Variants in DCT observed in about 807,000 individuals in gnomAD.
DCT encodes the protein L-dopachrome tautomerase.
Under a neutral mutation model 53.0 loss-of-function variants are expected in DCT, and 47 were observed. The observed-to-expected ratio is 0.89, with a 90% CI of 0.70 to 1.13. DCT has a LOEUF of 1.13. DCT is among the 50% of genes most tolerant of loss of function. The probability of loss-of-function intolerance (pLI) is 0.00; values close to 1 mark genes in which losing one functional copy is unlikely to be tolerated. For synonymous variants in DCT, 244 were observed against 237.0 expected (o/e 1.03, Z -0.27); for missense variants, 669 against 637.4 (o/e 1.05, Z -0.53).
upstream of DCT, among the ~76,000 whole-genome samples, chr13:94,482,604 C>T (rs1594337480): frequency 1.3e-5 from 2 of 152,314 alleles, no homozygotes; most frequent in Non-Finnish European, 1.5e-5. Context: ...AGCTCCTTAA[C>T]TCTGCTGTGT....
At chr13:94,483,011 G>A (rs1344679321), upstream of DCT, among the ~76,000 whole-genome samples, 1 of 152,108 alleles carries the variant, frequency 6.6e-6, no homozygotes, top group Admixed American at 6.5e-5. Context: ...AGTGGCTCAT[G>A]CCTTGTAATC....
the DCT span, among the ~76,000 whole-genome samples, chr13:94,508,708 G>A: frequency 6.6e-6 from 1 of 152,170 alleles, no homozygotes; most frequent in East Asian, 1.9e-4. Context: ...GCCTGAGAAA[G>A]AAGAATAGGG....
chr13:94,476,180 C>CTTTTT (rs529819051), intron 1 of DCT, among the ~76,000 whole-genome samples: 1 of 72,732 alleles, frequency 1.4e-5, no homozygotes, highest in African/African-American at 5.5e-5. Context: ...GGGGGAGCCT[C>CTTTTT]TTTTTTTTTT....
chr13:94,511,071 C>T, the DCT span, among the ~76,000 whole-genome samples: 1,097 of 152,326 alleles, frequency 7.2e-3, 16 homozygotes, highest in African/African-American at 0.023. Context: ...TGGATCATTT[C>T]AAAATGCAAA....
Position 94,465,586 on chromosome 13 carries a change from C to T in DCT, c.863+47G>A, listed in dbSNP as rs887749663. On this transcript the variant is annotated intron_variant, in intron 4 of 7. Coordinates refer to ENST00000377028, the MANE Select transcript of DCT (RefSeq NM_001922.5). ...GACTTCTCCTCCATGTCTCAGACAT[C>T]AGAAAAGACAATCTCTGGATGCCAT... The T allele has an allele frequency of 4.4e-6, 7 of 1,580,336 alleles. No individual in the cohort carries two copies. In the African/African-American group the frequency reaches 6.8e-5, roughly 15 times the overall value.
the DCT span, among the ~76,000 whole-genome samples, chr13:94,498,646 GT>G: frequency 1.3e-5 from 2 of 152,222 alleles, no homozygotes; most frequent in African/African-American, 4.8e-5. Context: ...ACAGTAATTT[GT>G]TACAGCAGCC....
chr13:94,547,978 AAAAAAAAT>A, the DCT span, among the ~76,000 whole-genome samples: 4 of 104,552 alleles, frequency 3.8e-5, no homozygotes, highest in African/African-American at 6.7e-5. Context: ...AAAAAAAAAA[AAAAAAAAT>A]ATATATATAT....
the DCT span, among the ~76,000 whole-genome samples, chr13:94,515,050 A>G: frequency 0.35 from 53,674 of 151,994 alleles, 9,864 homozygotes; most frequent in East Asian, 0.61. Context: ...AGACTGCAGA[A>G]AAATCTCTAG....
At chr13:94,492,095 T>C in the DCT span, among the ~76,000 whole-genome samples, 1 of 152,192 alleles carries the variant, frequency 6.6e-6, no homozygotes, top group East Asian at 1.9e-4. Flanking sequence ...GACACGTTTT[T>C]CTCCCCTCAC....
At chr13:94,547,032 G>T in the DCT span, among the ~76,000 whole-genome samples, 3 of 152,058 alleles carry the variant, frequency 2.0e-5, no homozygotes, top group Non-Finnish European at 4.4e-5. Flanking sequence ...AAAACCCTAA[G>T]TCAGAGGTCA....
chr13:94,488,390 T>G, the DCT span, among the ~76,000 whole-genome samples: 1 of 152,090 alleles, frequency 6.6e-6, no homozygotes, highest in Non-Finnish European at 1.5e-5. Flanking sequence ...GATGTACAAT[T>G]TAGACTGTTC....
chr13:94,493,319 A>C, the DCT span, among the ~76,000 whole-genome samples: 9 of 152,320 alleles, frequency 5.9e-5, no homozygotes, highest in South Asian at 1.9e-3. Flanking sequence ...TGACAAAAAT[A>C]GTACATATAA....
At chr13:94,455,922 T>C (rs1285196532) in intron 6 of DCT, among the ~76,000 whole-genome samples, 1 of 152,246 alleles carries the variant, frequency 6.6e-6, no homozygotes, top group African/African-American at 2.4e-5. Context: ...AATTGTACAG[T>C]TGACAATGTA....
At chr13:94,499,465 A>AGC in the DCT span, among the ~76,000 whole-genome samples, 1 of 150,682 alleles carries the variant, frequency 6.6e-6, no homozygotes, top group Non-Finnish European at 1.5e-5. Flanking sequence ...CATGAGAGTG[A>AGC]GTGTGTGTGT....
chr13:94,478,143 A>C, intron 1 of DCT, among the ~76,000 whole-genome samples: 1 of 147,828 alleles, frequency 6.8e-6, no homozygotes, highest in South Asian at 2.2e-4. Flanking sequence ...TTATCTAATA[A>C]CAACCCCCCG....
At chr13:94,546,027 A>G in the DCT span, among the ~76,000 whole-genome samples, 59 of 152,170 alleles carry the variant, frequency 3.9e-4, no homozygotes, top group African/African-American at 1.2e-3. This position sits in a 1 kb window ranked among gnomAD's most constrained non-coding sequence, Gnocchi z 4.2. Flanking sequence ...CTGACAAAAG[A>G]ATTCTATGCA....
the DCT span, among the ~76,000 whole-genome samples, chr13:94,489,582 C>T: frequency 1.3e-5 from 2 of 152,214 alleles, no homozygotes; most frequent in African/African-American, 4.8e-5. Flanking sequence ...CAAATTTCTA[C>T]ACTGGCAAAC....
the DCT span, among the ~76,000 whole-genome samples, chr13:94,522,500 T>TTATATA: frequency 1.6e-4 from 25 of 151,606 alleles, no homozygotes; most frequent in African/African-American, 5.1e-4. Flanking sequence ...AAATTCCCCT[T>TTATATA]TATATATATA....
rs576617780 is a variant in DCT, at chr13:94,448,773, G to A, written c.1180-5136C>T. ...CAAAACATTAGCTGGGTGTGGTGGCGTGCACCTGTGATCCCAGCTATTCGG... is the reference window on the plus strand; with the variant it reads ...CAAAACATTAGCTGGGTGTGGTGGCATGCACCTGTGATCCCAGCTATTCGG... On this transcript the variant is annotated intron_variant, in intron 6 of 7. Coordinates refer to ENST00000377028, the MANE Select transcript of DCT (RefSeq NM_001922.5). 5.1e-4 allele frequency among the ~76,000 whole-genome samples: 77 copies of A among 152,008 alleles called. 1 individual carries two copies. The highest frequency in any genetic ancestry group is 4.9e-3 in the Admixed American group (75 of 15,270).
Sources: gnomAD v4.1 joint callset for allele counts (sites outside exome capture counted in the v4.1 genomes callset) on GRCh38, gnomAD v4.1.1 for gene constraint, Gnocchi (gnomAD v3.1) non-coding constraint, MANE v1.5 for transcripts, NCBI Gene and HGNC (gene_info 2026-07-23, HGNC 2026-07-21) for gene names.